The following FHIT variants were observed in gnomAD, a reference collection of about 807,000 sequenced individuals.
FHIT encodes fragile histidine triad diadenosine triphosphatase.
Under a neutral mutation model 17.9 loss-of-function variants are expected in FHIT, and 19 were observed. That is an observed-to-expected ratio of 1.06 (90% CI 0.74 to 1.56). The LOEUF is 1.56. Among genes scored for constraint, FHIT ranks in the 40% most tolerant of loss-of-function variants. The probability of loss-of-function intolerance (pLI) is 0.00; values close to 1 mark genes in which losing one functional copy is unlikely to be tolerated. For synonymous variants in FHIT, 81 were observed against 69.7 expected, an observed-to-expected ratio of 1.16 and a Z score of -0.81; for missense variants, 248 against 189.2, an observed-to-expected ratio of 1.31 and a Z score of -1.82.
At chr3:60,255,632 T>C (rs1283442897) in intron 5 of FHIT, among the ~76,000 whole-genome samples, 1 of 151,998 alleles carries the variant, frequency 6.6e-6, no homozygotes, top group Non-Finnish European at 1.5e-5. Flanking sequence ...CCAATAAAAA[T>C]TTCGGTGGCT....
chr3:59,998,165 A>G (rs1268941131), intron 7 of FHIT, among the ~76,000 whole-genome samples: 1 of 152,132 alleles, frequency 6.6e-6, no homozygotes, highest in African/African-American at 2.4e-5. Flanking sequence ...AGATGAGCCA[A>G]TCGACTCCTG....
intron 3 of FHIT, among the ~76,000 whole-genome samples, chr3:60,918,011 G>A (rs112834218): frequency 5.1e-4 from 77 of 152,270 alleles, no homozygotes; most frequent in Middle Eastern, 3.4e-3. Flanking sequence ...ACATGTCAAA[G>A]GCAGGGCTAG....
intron 7 of FHIT, among the ~76,000 whole-genome samples, chr3:59,970,375 G>A (rs1708120544): frequency 1.3e-5 from 2 of 152,106 alleles, no homozygotes; most frequent in African/African-American, 4.8e-5. Context: ...CATCCCAACA[G>A]ATGTTTATTG....
Position 60,742,885 on chromosome 3 carries a change from T to C in FHIT, c.-18+79034A>G, listed in dbSNP as rs575053233. 4.6e-5 allele frequency among the ~76,000 whole-genome samples: 7 copies of C among 152,290 alleles called. No individual in the cohort carries two copies. In the East Asian group the frequency reaches 7.7e-4, roughly 17 times the overall value. On this transcript the variant is annotated intron_variant, in intron 4 of 9. Coordinates refer to ENST00000492590, the MANE Select transcript of FHIT (RefSeq NM_002012.4). Reference sequence around the variant, plus strand: ...GTAGTTCCTCATAAAGAGATGGAGATGGAAAAGTAGGAACGTTTTTCAATG... The same window carrying C: ...GTAGTTCCTCATAAAGAGATGGAGACGGAAAAGTAGGAACGTTTTTCAATG...
intron 3 of FHIT, among the ~76,000 whole-genome samples, chr3:60,965,219 G>A (rs569288436): frequency 1.3e-4 from 19 of 151,906 alleles, no homozygotes; most frequent in South Asian, 4.1e-4. Flanking sequence ...CCACTTGATC[G>A]AATTGGCTAC....
At chr3:60,196,926 C>T (rs1702671493) in intron 5 of FHIT, among the ~76,000 whole-genome samples, 1 of 151,872 alleles carries the variant, frequency 6.6e-6, no homozygotes, top group Non-Finnish European at 1.5e-5. Flanking sequence ...TACTGGGGAC[C>T]ACAGGTAAGT....
At chr3:59,960,150 C>A (rs1165732051) in intron 7 of FHIT, among the ~76,000 whole-genome samples, 1 of 152,128 alleles carries the variant, frequency 6.6e-6, no homozygotes. Flanking sequence ...AAGGGGACAA[C>A]TGTGATTGTT....
intron 5 of FHIT, among the ~76,000 whole-genome samples, chr3:60,102,234 T>C (rs1405707527): frequency 1.3e-5 from 2 of 152,176 alleles, no homozygotes; most frequent in African/African-American, 2.4e-5. Context: ...CTACGCTCAG[T>C]ATAGATTGAG....
At chr3:61,231,263 G>A (rs1039648158) in intron 1 of FHIT, among the ~76,000 whole-genome samples, 6 of 152,154 alleles carry the variant, frequency 3.9e-5, no homozygotes, top group Admixed American at 3.3e-4. Context: ...AGGCCAAGGT[G>A]GGAGGATCCC....
chr3:60,471,451 T>A (rs1179565636), intron 5 of FHIT, among the ~76,000 whole-genome samples: 1 of 152,204 alleles, frequency 6.6e-6, no homozygotes, highest in Non-Finnish European at 1.5e-5. Flanking sequence ...GGGAACCTGC[T>A]GAGTTCTTCC....
intron 4 of FHIT, among the ~76,000 whole-genome samples, chr3:60,568,245 G>A (rs1399511267): frequency 6.6e-6 from 1 of 152,128 alleles, no homozygotes; most frequent in Non-Finnish European, 1.5e-5. Flanking sequence ...AACAAAATGT[G>A]GCACACATAC....
At chr3:59,857,736 C>CTT (rs1162035993) in intron 8 of FHIT, among the ~76,000 whole-genome samples, 1 of 117,476 alleles carries the variant, frequency 8.5e-6, no homozygotes, top group Non-Finnish European at 1.6e-5. Context: ...TCCTAAGGGG[C>CTT]TTTATGCTTG....
chr3:60,978,046 G>A (rs1710338557), intron 3 of FHIT, among the ~76,000 whole-genome samples: 2 of 152,122 alleles, frequency 1.3e-5, no homozygotes, highest in South Asian at 4.2e-4. Flanking sequence ...GAAAAAGAGT[G>A]GAAAGAGAAG....
intron 5 of FHIT, among the ~76,000 whole-genome samples, chr3:60,046,387 G>C (rs1701654359): frequency 6.6e-6 from 1 of 152,208 alleles, no homozygotes; most frequent in Non-Finnish European, 1.5e-5. Flanking sequence ...ATAATCAGTA[G>C]CTGGCTGCAT....
chr3:59,926,427 A>G (rs749808549), intron 7 of FHIT, among the ~76,000 whole-genome samples: 4 of 152,256 alleles, frequency 2.6e-5, no homozygotes, highest in Non-Finnish European at 4.4e-5. Flanking sequence ...GATGCAGAAG[A>G]TAAGTAAGGA....
chr3:60,110,127 C>T (rs926141), intron 5 of FHIT, among the ~76,000 whole-genome samples: 79,521 of 151,958 alleles, frequency 0.52, 21,346 homozygotes, highest in African/African-American at 0.59. Flanking sequence ...CACTCTATTC[C>T]CAGCGTCCTC....
Position 61,236,249 on chromosome 3 carries a change from A to G in FHIT, c.-213+15052T>C, listed in dbSNP as rs2040229251. ...TAATATAATATAGATATATAAATAT[A>G]AATATATATTATTGTTATATAATAT... On this transcript the variant is annotated intron_variant, in intron 1 of 9. Transcript: ENST00000492590. Among the ~76,000 whole-genome samples the G allele has an allele frequency of 2.0e-5, 3 of 148,070 alleles. No homozygotes were observed. The Admixed American group carries it at 2.0e-4, about 10-fold the overall frequency.
At chr3:61,102,355 G>A (rs529711052) in intron 2 of FHIT, among the ~76,000 whole-genome samples, 20 of 152,238 alleles carry the variant, frequency 1.3e-4, no homozygotes, top group African/African-American at 4.1e-4. Flanking sequence ...GATGGATTAC[G>A]TTTATTGATT....
At chr3:60,501,316 A>G (rs1340044199) in intron 5 of FHIT, among the ~76,000 whole-genome samples, 2 of 152,226 alleles carry the variant, frequency 1.3e-5, no homozygotes, top group African/African-American at 4.8e-5. Flanking sequence ...TTACAAAGAT[A>G]CATAAACACA....
Sources: allele counts gnomAD v4.1 joint callset (sites outside exome capture counted in the v4.1 genomes callset), GRCh38; gene constraint gnomAD v4.1.1; transcripts MANE v1.5; gene names NCBI Gene and HGNC (gene_info 2026-07-23, HGNC 2026-07-21).